The following ATXN1 variants were observed in gnomAD, a reference collection of about 807,000 sequenced individuals.
The protein encoded by ATXN1 is ataxin 1, also known as ataxin-1.
Under a neutral mutation model 56.4 loss-of-function variants are expected in ATXN1, and 8 were observed. The ratio of observed to expected loss-of-function variants is 0.14; its 90% CI spans 0.08 to 0.26. The LOEUF (loss-of-function observed/expected upper bound fraction) is 0.26. Ranked by LOEUF, ATXN1 falls within the 10% of genes least tolerant of loss-of-function variation. The pLI is 1.00. For missense variants in ATXN1, 987 were observed against 1,106.5 expected (o/e 0.89, Z 1.53); for synonymous variants, 514 against 494.6 (o/e 1.04, Z -0.52).
intron 4 of ATXN1, among the ~76,000 whole-genome samples, chr6:16,539,834 C>T (rs116402152): frequency 6.6e-6 from 1 of 152,220 alleles, no homozygotes; most frequent in African/African-American, 2.4e-5. Context: ...CTCAAGGGGG[C>T]ACCCTGCATG....
intron 2 of ATXN1, among the ~76,000 whole-genome samples, chr6:16,698,987 T>A (rs1759226744): frequency 6.6e-6 from 1 of 152,236 alleles, no homozygotes; most frequent in Admixed American, 6.5e-5. Flanking sequence ...AAAAAATGTT[T>A]AACTTGTACA....
At chr6:16,507,999 C>T (rs745744527) in intron 5 of ATXN1, among the ~76,000 whole-genome samples, 2 of 152,162 alleles carry the variant, frequency 1.3e-5, no homozygotes, top group African/African-American at 4.8e-5. Flanking sequence ...GATATTGTGA[C>T]AATAATGGTC....
At chr6:16,542,768 G>GT (rs1746416520) in intron 4 of ATXN1, among the ~76,000 whole-genome samples, 1 of 152,118 alleles carries the variant, frequency 6.6e-6, no homozygotes, top group African/African-American at 2.4e-5. Flanking sequence ...TATCTACTAT[G>GT]TTTTTTCCTA....
chr6:16,395,285 A>AAT (rs1758431002), intron 6 of ATXN1, among the ~76,000 whole-genome samples: 1 of 151,278 alleles, frequency 6.6e-6, no homozygotes, highest in Non-Finnish European at 1.5e-5. Flanking sequence ...AAAAAAAAAA[A>AAT]AAAAAACAAG....
intron 4 of ATXN1, among the ~76,000 whole-genome samples, chr6:16,581,139 C>T (rs916112613): frequency 1.4e-5 from 2 of 143,212 alleles, no homozygotes; most frequent in Non-Finnish European, 3.0e-5. Flanking sequence ...AGCTGAGGGG[C>T]GGGGTGGGTT....
chr6:16,425,888 A>C (rs114160825), intron 6 of ATXN1, among the ~76,000 whole-genome samples: 3,373 of 152,238 alleles, frequency 0.022, 53 homozygotes, highest in Non-Finnish European at 0.036. Flanking sequence ...CAGAACAAAC[A>C]AAGTGTGCAC....
chr6:16,518,367 C>A (rs767994038), intron 5 of ATXN1, among the ~76,000 whole-genome samples: 12 of 152,190 alleles, frequency 7.9e-5, no homozygotes, highest in Non-Finnish European at 1.2e-4. Context: ...TAGGGTGAAT[C>A]TATATAATTT....
At chr6:16,732,021 C>T (rs1284798501) in intron 2 of ATXN1, among the ~76,000 whole-genome samples, 1 of 152,130 alleles carries the variant, frequency 6.6e-6, no homozygotes, top group Non-Finnish European at 1.5e-5. Context: ...AACACTCATG[C>T]TACATTTGCC....
At chr6:16,364,691 A>G (rs179967) in intron 6 of ATXN1, among the ~76,000 whole-genome samples, 122,593 of 152,192 alleles carry the variant, frequency 0.81, 49,765 homozygotes, top group East Asian at 1. Flanking sequence ...GGACCCAGGC[A>G]TTGAGCCCAA....
At chr6:16,731,375 G>A (rs1759972107) in intron 2 of ATXN1, among the ~76,000 whole-genome samples, 1 of 150,436 alleles carries the variant, frequency 6.6e-6, no homozygotes, top group Non-Finnish European at 1.5e-5. Flanking sequence ...GAGAAATGAG[G>A]GCATCAGAGT....
chr6:16,579,496 C>T lies in ATXN1; in HGVS notation c.-361+6284G>A, dbSNP rs939214766. Among the ~76,000 whole-genome samples the T allele has an allele frequency of 4.4e-5, 4 of 90,978 alleles. 1 individual carries two copies. The highest frequency in any genetic ancestry group is 6.1e-5 in the African/African-American group (2 of 32,936). 59.7% of individuals were successfully genotyped at this position (90,978 alleles called of 152,430 possible). A position where few individuals can be genotyped will look rare whatever the true frequency, so the allele number is the denominator to read the frequency against. ...TTGGTCAAAGCCCCCCCCCCCCACC[C>T]GCCGATTCATTCCCAAGTCCAAGGG... is the stretch of plus-strand genomic sequence containing the variant. On this transcript the variant is annotated intron_variant, in intron 4 of 7. Coordinates refer to ENST00000436367, the MANE Select transcript of ATXN1 (RefSeq NM_001128164.2).
chr6:16,693,101 C>T (rs935851913), intron 2 of ATXN1, among the ~76,000 whole-genome samples: 6 of 152,140 alleles, frequency 3.9e-5, no homozygotes, highest in African/African-American at 1.2e-4. Context: ...AGATGAGAAT[C>T]GTAATAGTAC....
At position 16,698,393 on chromosome 6, in the gene ATXN1, A is replaced by C. The variant is rs191489287; in HGVS notation, c.-614-40492T>G. 4.6e-5 allele frequency among the ~76,000 whole-genome samples: 7 copies of C among 152,284 alleles called. No homozygotes were observed. The East Asian group carries it at 1.4e-3, about 29-fold the overall frequency. The stretch of plus-strand genomic sequence containing the variant: ...CTGGGAGATGATGCTTCATTGTTCT[A>C]AGCTTAGACTTAATACAACACTGCA... On this transcript the variant is annotated intron_variant, in intron 2 of 7. Transcript: ENST00000436367.
At chr6:16,526,043 A>C (rs1389588103) in intron 4 of ATXN1, among the ~76,000 whole-genome samples, 1 of 94,208 alleles carries the variant, frequency 1.1e-5, no homozygotes, top group East Asian at 2.3e-4. Flanking sequence ...AAATAAATCT[A>C]TATATATATA....
intron 6 of ATXN1, among the ~76,000 whole-genome samples, chr6:16,354,808 T>G (rs1263803277): frequency 1.3e-5 from 2 of 152,160 alleles, no homozygotes; most frequent in East Asian, 3.8e-4. Context: ...GTACAAGAAA[T>G]ATTCATCACA....
intron 4 of ATXN1, among the ~76,000 whole-genome samples, chr6:16,562,394 G>C (rs1254412543): frequency 7.8e-6 from 1 of 127,738 alleles, no homozygotes; most frequent in East Asian, 2.1e-4. Flanking sequence ...AAAAGAAGAA[G>C]AAGAAAGAAG....
At chr6:16,486,181 A>G (rs2113656088) in intron 5 of ATXN1, 72 bp from the exon 6 acceptor site, 1 of 152,378 alleles carries the variant, frequency 6.6e-6, no homozygotes, top group South Asian at 2.1e-4. Context: ...ATCTGAACAA[A>G]TACAGTCTCA....
chr6:16,311,080 C>T (rs1760379137), intron 7 of ATXN1, among the ~76,000 whole-genome samples: 1 of 152,158 alleles, frequency 6.6e-6, no homozygotes, highest in Admixed American at 6.5e-5. Flanking sequence ...TTTCATTGTT[C>T]TGGGCTATTT....
chr6:16,609,503 T>C (rs186021991), intron 3 of ATXN1, among the ~76,000 whole-genome samples: 205 of 152,324 alleles, frequency 1.3e-3, no homozygotes, highest in African/African-American at 4.5e-3. Context: ...AGAACCCCAA[T>C]AGAGATTGCC....
Sources: allele counts gnomAD v4.1 joint callset (sites outside exome capture counted in the v4.1 genomes callset), GRCh38; gene constraint gnomAD v4.1.1; transcripts MANE v1.5; gene names NCBI Gene and HGNC (gene_info 2026-07-23, HGNC 2026-07-21).